FREM3: variants seen among roughly 807,000 people sequenced by gnomAD.
FREM3 encodes FRAS1-related extracellular matrix protein 3.
Under a neutral mutation model 129.1 loss-of-function variants are expected in FREM3, and 105 were observed. The observed-to-expected ratio is 0.81, with a 90% CI of 0.69 to 0.96. The LOEUF is 0.96. Ranked by LOEUF, FREM3 falls within the 40% of genes least tolerant of loss-of-function variation. The pLI, the probability that FREM3 is intolerant of heterozygous loss-of-function variation, is 0.00. For missense variants in FREM3, 2,593 were observed against 2,666.3 expected, an observed-to-expected ratio of 0.97 and a Z score of 0.61; for synonymous variants, 1,014 against 1,044.9, an observed-to-expected ratio of 0.97 and a Z score of 0.57.
chr4:143,690,868 T>C (rs189084682), intron 2 of FREM3, among the ~76,000 whole-genome samples: 8 of 152,268 alleles, frequency 5.3e-5, no homozygotes, highest in East Asian at 3.9e-4. Flanking sequence ...AATTCACTCA[T>C]TGGGCATGGC....
chr4:143,693,748 C>T (rs557242829), intron 1 of FREM3, among the ~76,000 whole-genome samples: 1 of 152,230 alleles, frequency 6.6e-6, no homozygotes, highest in Non-Finnish European at 1.5e-5. Flanking sequence ...ACATATATAC[C>T]ATGGAATCCT....
chr4:143,598,537 A>G (rs1262223540), intron 6 of FREM3, among the ~76,000 whole-genome samples: 1 of 152,136 alleles, frequency 6.6e-6, no homozygotes, highest in East Asian at 1.9e-4. Flanking sequence ...AAGTCAAGGC[A>G]TTAGATATAT....
Position 143,624,346 on chromosome 4 carries a change from A to G in FREM3, c.5423-8T>C, listed in dbSNP as rs146285395. ...CATCTTTGGTACCAATGCCTGAATA[A>G]AAATCAGAAAACTATAAATATAAAG... On this transcript the variant is annotated splice_region_variant and splice_polypyrimidine_tract_variant and intron_variant, in intron 3 of 7. Transcript: ENST00000329798. 6.8e-4 allele frequency: 1,018 copies of G among 1,496,092 alleles called. 7 individuals are homozygous for G. In the African/African-American group the frequency reaches 0.013, roughly 19 times the overall value. 92.7% of individuals were successfully genotyped at this position (1,496,092 alleles called of 1,614,324 possible).
intron 7 of FREM3, among the ~76,000 whole-genome samples, chr4:143,584,215 C>T (rs949676498): frequency 1.3e-5 from 2 of 151,960 alleles, no homozygotes; most frequent in African/African-American, 4.8e-5. Flanking sequence ...CGAGACCATC[C>T]TGGCTAACAA....
intron 2 of FREM3, among the ~76,000 whole-genome samples, chr4:143,661,657 A>G (rs1469936181): frequency 6.6e-6 from 1 of 152,136 alleles, no homozygotes; most frequent in African/African-American, 2.4e-5. Flanking sequence ...TAGTTTCAGA[A>G]GGAATGGTAC....
chr4:143,644,320 C>T (rs968312294), intron 2 of FREM3, among the ~76,000 whole-genome samples: 3 of 151,596 alleles, frequency 2.0e-5, no homozygotes, highest in South Asian at 4.2e-4. Flanking sequence ...TTTATGCATA[C>T]GTGAGCTCTT....
intron 7 of FREM3, among the ~76,000 whole-genome samples, chr4:143,578,256 G>C (rs1738074152): frequency 6.6e-6 from 1 of 151,982 alleles, no homozygotes; most frequent in Non-Finnish European, 1.5e-5. Context: ...ATTCACTTTT[G>C]CCAGACATCT....
At chr4:143,689,544 G>T (rs1360016446) in intron 2 of FREM3, among the ~76,000 whole-genome samples, 3 of 151,962 alleles carry the variant, frequency 2.0e-5, no homozygotes, top group Non-Finnish European at 4.4e-5. Flanking sequence ...TTTACCCAGA[G>T]GAAAATAAGT....
intron 2 of FREM3, among the ~76,000 whole-genome samples, chr4:143,664,041 T>C (rs1431453559): frequency 6.6e-6 from 1 of 152,176 alleles, no homozygotes; most frequent in Non-Finnish European, 1.5e-5. Flanking sequence ...TTTCCTCCTG[T>C]AGTTCGGAGT....
At position 143,699,068 on chromosome 4, in the gene FREM3, G is replaced by T; in HGVS notation, c.1608C>A (p.Ile536=). The T allele has an allele frequency of 6.5e-7, 1 of 1,537,466 alleles. No homozygotes were observed. The change falls in exon 1 of 8, where the codon ATC becomes ATA. Residue 536 remains isoleucine (I), a synonymous_variant. Coordinates refer to ENST00000329798, the MANE Select transcript of FREM3 (RefSeq NM_001168235.2). This position sits in a 1 kb window ranked among gnomAD's most constrained non-coding sequence, Gnocchi z 4.2. ...HQVDFLFPLT[I]LPVDDEPPMV... Reference sequence around the variant, plus strand: ...TTGGTGGTTCATCATCCACAGGTAGGATGGTGAGGGGAAAGAGGAAGTCCA... The same window carrying T: ...TTGGTGGTTCATCATCCACAGGTAGTATGGTGAGGGGAAAGAGGAAGTCCA...
chr4:143,696,909 G>GT lies in FREM3; in HGVS notation c.3766dup (p.Thr1256AsnfsTer14). The stretch of plus-strand genomic sequence containing the variant: ...GGAGGCCTCCTGGATCTCCTTGAGG[G>GT]TGAAGCTGTGGATGGGCTGGCTGCC... On this transcript the variant is annotated frameshift_variant, in exon 1 of 8. Coordinates refer to ENST00000329798, the MANE Select transcript of FREM3 (RefSeq NM_001168235.2). LOFTEE classifies it high-confidence loss of function. The GT allele has an allele frequency of 6.5e-7, 1 of 1,537,706 alleles. No homozygotes were observed. The highest frequency in any genetic ancestry group is 8.7e-7 in the Non-Finnish European group (1 of 1,147,022).
chr4:143,627,992 T>G (rs931304994), intron 2 of FREM3, among the ~76,000 whole-genome samples: 1 of 152,140 alleles, frequency 6.6e-6, no homozygotes, highest in Admixed American at 6.6e-5. Context: ...AGGTGCCTCC[T>G]ATTCCCAAAG....
At chr4:143,674,399 C>G (rs906646660) in intron 2 of FREM3, among the ~76,000 whole-genome samples, 5 of 152,130 alleles carry the variant, frequency 3.3e-5, no homozygotes, top group Non-Finnish European at 7.3e-5. Flanking sequence ...AAGCGCTAAA[C>G]ATGGAAGGGA....
chr4:143,588,573 T>G (rs1177879582), intron 6 of FREM3, among the ~76,000 whole-genome samples: 2 of 152,144 alleles, frequency 1.3e-5, no homozygotes. Context: ...GGACATGAAC[T>G]CATCATTTTT....
intron 5 of FREM3, among the ~76,000 whole-genome samples, chr4:143,612,251 G>C (rs1738771349): frequency 6.6e-6 from 1 of 152,140 alleles, no homozygotes; most frequent in African/African-American, 2.4e-5. Context: ...CTCCTTCCCT[G>C]TCTCCCAGGC....
At chr4:143,680,560 T>C (rs1374833320) in intron 2 of FREM3, among the ~76,000 whole-genome samples, 1 of 152,130 alleles carries the variant, frequency 6.6e-6, no homozygotes, top group Non-Finnish European at 1.5e-5. Context: ...TGCTAATTTT[T>C]ACCTCATCTG....
Position 143,652,329 on chromosome 4 carries a change from A to AT in FREM3, c.5276-24570dup, listed in dbSNP as rs1207279269. Among the ~76,000 whole-genome samples the AT allele has an allele frequency of 6.9e-5, 6 of 87,354 alleles. 1 individual carries two copies. Among genetic ancestry groups the AT allele is most frequent in the African/African-American group, 2.1e-4 (6 of 28,686 alleles). The allele number at this position is 87,354 out of a possible 152,430, so 57.3% of individuals were successfully genotyped here. A position where few individuals can be genotyped will look rare whatever the true frequency, so the allele number is the denominator to read the frequency against. Reference sequence around the variant, plus strand: ...AGGCGCCCGCCACCGCGCCCGGCTAATTTTTTGTATTTTTAGTAGAGACGG... The same window carrying AT: ...AGGCGCCCGCCACCGCGCCCGGCTAATTTTTTTGTATTTTTAGTAGAGACGG... On this transcript the variant is annotated intron_variant, in intron 2 of 7. Coordinates refer to ENST00000329798, the MANE Select transcript of FREM3 (RefSeq NM_001168235.2).
chr4:143,631,931 T>C (rs1182615821), intron 2 of FREM3, among the ~76,000 whole-genome samples: 5 of 152,144 alleles, frequency 3.3e-5, no homozygotes, highest in Non-Finnish European at 4.4e-5. Context: ...AAAATACTTA[T>C]GTGCATTTAC....
chr4:143,659,621 G>A lies in FREM3; in HGVS notation c.5276-31861C>T, dbSNP rs1026556539. On this transcript the variant is annotated intron_variant, in intron 2 of 7. Coordinates refer to ENST00000329798, the MANE Select transcript of FREM3 (RefSeq NM_001168235.2). ...CAGTAATGGGATGGCTGGGTCAAAT[G>A]GTATTTCTAGTTCTAGATCCCTGAG... 1.4e-3 allele frequency among the ~76,000 whole-genome samples: 191 copies of A among 135,972 alleles called. 1 individual carries two copies. Among genetic ancestry groups the A allele is most frequent in the Non-Finnish European group, 2.1e-3 (135 of 65,418 alleles). 89.2% of individuals were successfully genotyped at this position (135,972 alleles called of 152,430 possible). A position where few individuals can be genotyped will look rare whatever the true frequency, so the allele number is the denominator to read the frequency against.
Sources: allele counts gnomAD v4.1 joint callset (sites outside exome capture counted in the v4.1 genomes callset), GRCh38; gene constraint gnomAD v4.1.1; non-coding constraint Gnocchi (gnomAD v3.1); transcripts MANE v1.5; gene names NCBI Gene and HGNC (gene_info 2026-07-23, HGNC 2026-07-21).